The following ABL2 variants were observed in gnomAD, a reference collection of about 807,000 sequenced individuals.
ABL2 encodes ABL proto-oncogene 2, non-receptor tyrosine kinase, also known as tyrosine-protein kinase ABL2.
A neutral mutation model predicts 107.7 loss-of-function variants in ABL2; 49 were observed. The ratio of observed to expected loss-of-function variants is 0.45; its 90% CI spans 0.36 to 0.58. ABL2 has a LOEUF of 0.58. Among genes scored for constraint, ABL2 ranks in the 20% least tolerant of loss-of-function variants. The pLI is 0.00. For missense variants in ABL2, 1,245 were observed against 1,457.0 expected (o/e 0.85, Z 2.37); for synonymous variants, 549 against 548.6 (o/e 1.00, Z -0.01).
chr1:179,147,314 A>G (rs184254594), intron 1 of ABL2, among the ~76,000 whole-genome samples: 2 of 152,268 alleles, frequency 1.3e-5, no homozygotes, highest in East Asian at 3.9e-4. Flanking sequence ...AAATTTCTCA[A>G]AGAACTACAA....
intron 1 of ABL2, among the ~76,000 whole-genome samples, chr1:179,166,930 G>A (rs1659422560): frequency 6.6e-6 from 1 of 152,110 alleles, no homozygotes; most frequent in African/African-American, 2.4e-5. Flanking sequence ...GCAGAGAAAA[G>A]GGAAATCTCA....
At chr1:179,180,144 G>T (rs1341389988) in intron 1 of ABL2, among the ~76,000 whole-genome samples, 3 of 151,268 alleles carry the variant, frequency 2.0e-5, no homozygotes, top group Non-Finnish European at 4.4e-5. Flanking sequence ...AAAAAGGGGG[G>T]AAATACTTCT....
chr1:179,117,974 A>T (rs1654817499), intron 7 of ABL2, among the ~76,000 whole-genome samples: 1 of 151,718 alleles, frequency 6.6e-6, no homozygotes, highest in African/African-American at 2.4e-5. Context: ...CAAAAAACAA[A>T]ACAAACAAAA....
At chr1:179,210,759 CAGG>C (rs1166404484) in intron 1 of ABL2, among the ~76,000 whole-genome samples, 39 of 151,782 alleles carry the variant, frequency 2.6e-4, no homozygotes, top group Non-Finnish European at 5.4e-4. Flanking sequence ...GAGGCTGAGG[CAGG>C]AGAATTGCTT....
intron 1 of ABL2, 71 bp downstream of exon 1, chr1:179,229,170 G>GGCC: frequency 6.8e-5 from 18 of 266,254 alleles, no homozygotes; most frequent in Non-Finnish European, 1.1e-4. Context: ...CAGCCCGTCC[G>GGCC]CCACCCACCC....
At chr1:179,196,761 TAA>T (rs925292595) in intron 1 of ABL2, among the ~76,000 whole-genome samples, 5 of 133,574 alleles carry the variant, frequency 3.7e-5, no homozygotes, top group Non-Finnish European at 8.1e-5. Flanking sequence ...AACTCAGTCT[TAA>T]AAAACAAACA....
chr1:179,160,798 G>A (rs1659015933), intron 1 of ABL2, among the ~76,000 whole-genome samples: 1 of 152,116 alleles, frequency 6.6e-6, no homozygotes, highest in Admixed American at 6.6e-5. Flanking sequence ...AATTCTGTGT[G>A]GCGAGGCAGT....
At chr1:179,198,644 G>C (rs1218628417) in intron 1 of ABL2, among the ~76,000 whole-genome samples, 2 of 112,108 alleles carry the variant, frequency 1.8e-5, no homozygotes, top group African/African-American at 7.0e-5. Flanking sequence ...AGTGAGCCGA[G>C]ATCACGCCAC....
chr1:179,139,778 G>A (rs1657399192), intron 1 of ABL2, among the ~76,000 whole-genome samples: 4 of 152,154 alleles, frequency 2.6e-5, no homozygotes, highest in Non-Finnish European at 5.9e-5. Flanking sequence ...CAGATTAGTG[G>A]AGGCATTTGA....
chr1:179,197,039 A>G (rs982648469), intron 1 of ABL2, among the ~76,000 whole-genome samples: 4 of 152,228 alleles, frequency 2.6e-5, no homozygotes, highest in African/African-American at 9.6e-5. Context: ...TATCAAACAG[A>G]AGTTATGCAA....
At chr1:179,207,433 C>T (rs554212310) in intron 1 of ABL2, among the ~76,000 whole-genome samples, 1 of 152,238 alleles carries the variant, frequency 6.6e-6, no homozygotes. Flanking sequence ...ATTAAGGTCT[C>T]AAAATTCTCT....
intron 1 of ABL2, among the ~76,000 whole-genome samples, chr1:179,154,893 A>T (rs766403106): frequency 1.3e-5 from 2 of 152,162 alleles, no homozygotes; most frequent in Non-Finnish European, 2.9e-5. Context: ...ATGATCACGG[A>T]TTTTCCTCTG....
chr1:179,165,682 T>G (rs1032949863), intron 1 of ABL2, among the ~76,000 whole-genome samples: 11 of 152,022 alleles, frequency 7.2e-5, no homozygotes, highest in African/African-American at 2.4e-4. Context: ...TTCTGGATTA[T>G]GGGGGAGGGG....
intron 11 of ABL2, 73 bp from the exon 12 acceptor site, chr1:179,109,514 C>T: frequency 1.3e-6 from 2 of 1,522,084 alleles, no homozygotes; most frequent in South Asian, 1.3e-5. Context: ...ACCGAGGCTG[C>T]ATTATGAGTT....
intron 1 of ABL2, among the ~76,000 whole-genome samples, chr1:179,162,293 C>A (rs1228351493): frequency 6.6e-6 from 1 of 152,118 alleles, no homozygotes; most frequent in Non-Finnish European, 1.5e-5. Flanking sequence ...TTCCTAGAAA[C>A]CATCCAAAAG....
intron 3 of ABL2, among the ~76,000 whole-genome samples, chr1:179,129,520 A>C (rs1656072098): frequency 6.6e-6 from 1 of 151,916 alleles, no homozygotes; most frequent in Non-Finnish European, 1.5e-5. Flanking sequence ...TGTCTCTACT[A>C]AAAATACAAA....
intron 3 of ABL2, among the ~76,000 whole-genome samples, chr1:179,129,098 T>C (rs1485447413): frequency 2.6e-5 from 4 of 152,210 alleles, no homozygotes; most frequent in Admixed American, 2.6e-4. Flanking sequence ...TAAAATAGCT[T>C]TAGTATGACA....
In ABL2 at chr1:179,118,690, G is replaced by A. The variant is rs780176171; in HGVS notation, c.1120C>T (p.Arg374Ter). Residue 374 changes from arginine to a stop codon, truncating the protein, a stop_gained, in exon 7 of 12, where the codon CGA becomes TGA. Transcript: ENST00000502732. LOFTEE classifies it high-confidence loss of function. ...MPYGNLLDYL[R>*]ECNREEVTAV... is the part of the protein sequence containing the mutation. Reference sequence around the variant, plus strand: ...GTCACCTCTTCTCGGTTGCATTCTCGGAGGTAATCCAGCAAATTCCCGTAT... The same window carrying A: ...GTCACCTCTTCTCGGTTGCATTCTCAGAGGTAATCCAGCAAATTCCCGTAT... 2.5e-6 allele frequency: 4 copies of A among 1,613,866 alleles called. No homozygotes were observed. Among genetic ancestry groups the A allele is most frequent in the South Asian group, 1.1e-5 (1 of 91,066 alleles).
intron 1 of ABL2, among the ~76,000 whole-genome samples, chr1:179,224,147 A>AAAAC (rs1663054701): frequency 6.7e-6 from 1 of 150,224 alleles, no homozygotes; most frequent in Non-Finnish European, 1.5e-5. Flanking sequence ...AAAAAAAAAA[A>AAAAC]AAAAAAAAAA....
Sources: gnomAD v4.1 joint callset for allele counts (sites outside exome capture counted in the v4.1 genomes callset) on GRCh38, gnomAD v4.1.1 for gene constraint, MANE v1.5 for transcripts, NCBI Gene and HGNC (gene_info 2026-07-23, HGNC 2026-07-21) for gene names.